Variants in GLI3 observed in about 807,000 individuals in gnomAD.
The protein encoded by GLI3 is GLI family zinc finger 3.
GLI3 carries 20 observed loss-of-function variants against 100.8 expected under a neutral mutation model. The ratio of observed to expected loss-of-function variants is 0.20; its 90% CI spans 0.14 to 0.29. The LOEUF (loss-of-function observed/expected upper bound fraction) is 0.29, where lower values mean the gene tolerates loss of function less well. Ranked by LOEUF, GLI3 falls within the 10% of genes least tolerant of loss-of-function variation. GLI3 has a pLI of 1.00. For missense variants in GLI3, 2,040 were observed against 2,128.5 expected (o/e 0.96, Z 0.82); for synonymous variants, 938 against 860.5 (o/e 1.09, Z -1.58).
intron 10 of GLI3, among the ~76,000 whole-genome samples, chr7:41,985,758 T>C (rs1251031465): frequency 2.0e-5 from 3 of 152,222 alleles, no homozygotes; most frequent in African/African-American, 4.8e-5. Flanking sequence ...ATGTGGATTA[T>C]ATTGGGGATA....
At chr7:41,989,367 G>A (rs1787921744) in intron 10 of GLI3, among the ~76,000 whole-genome samples, 1 of 152,146 alleles carries the variant, frequency 6.6e-6, no homozygotes, top group African/African-American at 2.4e-5. Flanking sequence ...TTTCTGATTT[G>A]AGCTCTAGCC....
At chr7:42,184,864 A>G (rs1314063947) in intron 2 of GLI3, among the ~76,000 whole-genome samples, 1 of 152,180 alleles carries the variant, frequency 6.6e-6, no homozygotes, top group African/African-American at 2.4e-5. Flanking sequence ...CTGTGGGGTC[A>G]GCTGAGGCTG....
At chr7:42,001,117 C>T (rs1467444619) in intron 10 of GLI3, among the ~76,000 whole-genome samples, 3 of 150,746 alleles carry the variant, frequency 2.0e-5, no homozygotes, top group Non-Finnish European at 4.4e-5. Flanking sequence ...TGGTGGTGAG[C>T]GTCTGTAATC....
At chr7:42,172,730 T>C in intron 2 of GLI3, 2 of 672,332 alleles carry the variant, frequency 3.0e-6, no homozygotes, top group South Asian at 3.2e-5. Flanking sequence ...CTGAGAGTTT[T>C]CCGTGAGTAA....
intron 10 of GLI3, among the ~76,000 whole-genome samples, chr7:42,011,417 A>G (rs139458137): frequency 3.9e-5 from 6 of 152,360 alleles, no homozygotes; most frequent in African/African-American, 1.2e-4. Flanking sequence ...CTAGGGATAT[A>G]CCCAAAAGAA....
At chr7:42,248,387 C>A (rs368977907) in intron 1 of GLI3, among the ~76,000 whole-genome samples, 2 of 152,188 alleles carry the variant, frequency 1.3e-5, no homozygotes, top group African/African-American at 2.4e-5. Context: ...CTGCTATAAA[C>A]CTCAGTGATC....
At chr7:42,074,389 T>G (rs557898271) in intron 4 of GLI3, among the ~76,000 whole-genome samples, 7 of 152,322 alleles carry the variant, frequency 4.6e-5, no homozygotes, top group African/African-American at 1.7e-4. Flanking sequence ...ACTGAGCACC[T>G]TTTACAAAGT....
intron 3 of GLI3, among the ~76,000 whole-genome samples, chr7:42,123,615 C>T (rs1052699710): frequency 1.1e-4 from 17 of 152,154 alleles, no homozygotes; most frequent in African/African-American, 3.9e-4. Context: ...TCCATCTTTA[C>T]TTATTGGGGA....
intron 7 of GLI3, among the ~76,000 whole-genome samples, chr7:42,039,683 T>C (rs1212767891): frequency 6.6e-6 from 1 of 152,248 alleles, no homozygotes; most frequent in African/African-American, 2.4e-5. Flanking sequence ...ACATGTGTCA[T>C]ACAACCAGGT....
intron 3 of GLI3, among the ~76,000 whole-genome samples, chr7:42,107,459 T>A (rs897295905): frequency 6.6e-6 from 1 of 152,134 alleles, no homozygotes. Context: ...CTGAGGGTAT[T>A]TGGGCATAAG....
intron 2 of GLI3, among the ~76,000 whole-genome samples, chr7:42,178,024 A>G (rs1787515040): frequency 6.6e-6 from 1 of 152,188 alleles, no homozygotes; most frequent in Non-Finnish European, 1.5e-5. Context: ...CAAACTTGAC[A>G]TGGAAAAAAT....
At chr7:42,166,613 C>T (rs1217459826) in intron 2 of GLI3, among the ~76,000 whole-genome samples, 1 of 143,000 alleles carries the variant, frequency 7.0e-6, no homozygotes, top group Non-Finnish European at 1.5e-5. Context: ...AGAGGGAAGT[C>T]TCTTATGGCA....
Position 41,962,179 on chromosome 7 carries a change from GAGGTC to G in GLI3, c.*2146_*2150del, listed in dbSNP as rs774204684. On this transcript the variant is annotated 3_prime_UTR_variant, in exon 15 of 15. Transcript: ENST00000395925. ...CTACTGGAAGAGCCCTCTGATGGAG[GAGGTC>G]AGCATGGTCCCTTCCACCCAAGCTC... 3.9e-5 allele frequency: 6 copies of G among 152,220 alleles called. No individual in the cohort carries two copies. The highest frequency in any genetic ancestry group is 8.8e-5 in the Non-Finnish European group (6 of 68,074). The allele number at this position is 152,220 out of a possible 1,614,324, so 9.4% of individuals were successfully genotyped here. A position where few individuals can be genotyped will look rare whatever the true frequency, so the allele number is the denominator to read the frequency against.
intron 3 of GLI3, among the ~76,000 whole-genome samples, chr7:42,117,909 C>T (rs1214877600): frequency 6.6e-6 from 1 of 152,174 alleles, no homozygotes; most frequent in African/African-American, 2.4e-5. Flanking sequence ...GTAGCTGCCG[C>T]TGTCTCCATG....
At position 41,966,092 on chromosome 7, in the gene GLI3, G is replaced by C. The variant is rs772285708; in HGVS notation, c.2981C>G (p.Pro994Arg). The change falls in exon 15 of 15, where the codon CCG becomes CGG. Residue 994 changes from proline (P) to arginine (R), a missense_variant. By Grantham distance (103) the Pro-to-Arg change is moderately radical. Transcript: ENST00000395925. The surrounding 1 kb of genome is among the most constrained non-coding windows in gnomAD (Gnocchi z 5.8). Reference protein sequence around the residue: ...AHGYGRRHLQPHDAPGHGVRR... With the variant: ...AHGYGRRHLQRHDAPGHGVRR... Reference sequence around the variant, plus strand: ...CACGCCGTGGCCCGGCGCATCGTGCGGCTGCAGGTGGCGCCGCCCGTAGCC... The same window carrying C: ...CACGCCGTGGCCCGGCGCATCGTGCCGCTGCAGGTGGCGCCGCCCGTAGCC... The C allele has an allele frequency of 1.2e-5, 19 of 1,569,752 alleles. No homozygotes were observed. The Admixed American group carries it at 1.6e-4, about 13-fold the overall frequency.
Position 41,992,402 on chromosome 7 carries a change from C to T in GLI3, c.1498-13654G>A, listed in dbSNP as rs74730037. The stretch of plus-strand genomic sequence containing the variant: ...GGAACATATCATAGTGGAGATGCCT[C>T]CAGGACATCTCTGGTAGAGAGATCC... On this transcript the variant is annotated intron_variant, in intron 10 of 14. Coordinates refer to ENST00000395925, the MANE Select transcript of GLI3 (RefSeq NM_000168.6). Among the ~76,000 whole-genome samples, 41 of 152,214 alleles carry T rather than the reference C, an allele frequency of 2.7e-4. No homozygotes were observed. The East Asian group carries it at 7.7e-3, about 29-fold the overall frequency.
chr7:42,256,909 A>G (rs1329844166), intron 1 of GLI3, among the ~76,000 whole-genome samples: 2 of 152,196 alleles, frequency 1.3e-5, no homozygotes, highest in African/African-American at 2.4e-5. Context: ...GTCCATGAAT[A>G]TGGAATTTCT....
intron 1 of GLI3, among the ~76,000 whole-genome samples, chr7:42,255,046 T>C (rs1214830131): frequency 1.3e-5 from 2 of 151,812 alleles, no homozygotes; most frequent in South Asian, 2.1e-4. Context: ...CCTATTTATC[T>C]CTCTCTTACA....
At chr7:42,075,042 G>A (rs1053253481) in intron 4 of GLI3, among the ~76,000 whole-genome samples, 2 of 152,072 alleles carry the variant, frequency 1.3e-5, no homozygotes, top group African/African-American at 2.4e-5. Flanking sequence ...TTATCACCAC[G>A]GGCCAATGCA....
Sources: allele counts gnomAD v4.1 joint callset (sites outside exome capture counted in the v4.1 genomes callset), GRCh38; gene constraint gnomAD v4.1.1; non-coding constraint Gnocchi (gnomAD v3.1); transcripts MANE v1.5; gene names NCBI Gene and HGNC (gene_info 2026-07-23, HGNC 2026-07-21).